Variants in CDH20 observed in about 807,000 individuals in gnomAD.
The protein encoded by CDH20 is cadherin 20.
Under a neutral mutation model 74.2 loss-of-function variants are expected in CDH20, and 29 were observed. The ratio of observed to expected loss-of-function variants is 0.39; its 90% CI spans 0.29 to 0.53. CDH20 has a LOEUF of 0.53. Among genes scored for constraint, CDH20 ranks in the 20% least tolerant of loss-of-function variants. CDH20 has a pLI of 0.69. For missense variants in CDH20, 988 were observed against 1,048.3 expected, an observed-to-expected ratio of 0.94 and a Z score of 0.79; for synonymous variants, 469 against 405.4, an observed-to-expected ratio of 1.16 and a Z score of -1.88.
chr18:61,416,266 C>T (rs1912680503), intron 1 of CDH20, among the ~76,000 whole-genome samples: 1 of 152,082 alleles, frequency 6.6e-6, no homozygotes, highest in Non-Finnish European at 1.5e-5. Flanking sequence ...AAATCAGATC[C>T]AATGGGCCTT....
intron 1 of CDH20, among the ~76,000 whole-genome samples, chr18:61,440,859 G>C (rs1909007216): frequency 6.6e-6 from 1 of 152,108 alleles, no homozygotes; most frequent in South Asian, 2.1e-4. Context: ...GGCCAAATCA[G>C]GTCACAAGGC....
chr18:61,511,221 C>T (rs1599136507), intron 6 of CDH20, among the ~76,000 whole-genome samples: 1 of 144,086 alleles, frequency 6.9e-6, no homozygotes, highest in African/African-American at 2.6e-5. Context: ...CAATGGCATG[C>T]TCATGGCTCA....
chr18:61,414,720 T>A (rs1281736335), intron 1 of CDH20, among the ~76,000 whole-genome samples: 2 of 152,046 alleles, frequency 1.3e-5, no homozygotes, highest in Non-Finnish European at 2.9e-5. Context: ...CAATTTAAGT[T>A]TTAATTTGAT....
intron 1 of CDH20, among the ~76,000 whole-genome samples, chr18:61,411,118 T>C (rs1912483139): frequency 6.6e-6 from 1 of 150,628 alleles, no homozygotes; most frequent in African/African-American, 2.4e-5. Context: ...GAGAATGGCG[T>C]GAACCGGAAG....
At chr18:61,479,223 A>T (rs1053950585) in intron 1 of CDH20, among the ~76,000 whole-genome samples, 1 of 152,046 alleles carries the variant, frequency 6.6e-6, no homozygotes, top group African/African-American at 2.4e-5. Context: ...GGCCAAAAAA[A>T]AACCCAAGAT....
chr18:61,534,986 C>A (rs766107894), intron 7 of CDH20, among the ~76,000 whole-genome samples: 1 of 151,932 alleles, frequency 6.6e-6, no homozygotes, highest in Non-Finnish European at 1.5e-5. Flanking sequence ...CCACATTGTA[C>A]GCCATAAATA....
At chr18:61,547,588 C>T (rs1444523767) in intron 10 of CDH20, among the ~76,000 whole-genome samples, 1 of 151,856 alleles carries the variant, frequency 6.6e-6, no homozygotes, top group East Asian at 1.9e-4. Flanking sequence ...GTTATTAATC[C>T]CTCTGATTCT....
intron 7 of CDH20, 23 bp from the exon 8 acceptor site, chr18:61,536,470 G>T: frequency 6.2e-7 from 1 of 1,610,574 alleles, no homozygotes; most frequent in Non-Finnish European, 8.5e-7. Flanking sequence ...TGCAAATGAT[G>T]TACGTAATCC....
chr18:61,553,049 GA>G (rs1192410135), intron 11 of CDH20, among the ~76,000 whole-genome samples: 1 of 152,106 alleles, frequency 6.6e-6, no homozygotes, highest in Non-Finnish European at 1.5e-5. Context: ...AGCTATCTGG[GA>G]AAATATTACG....
chr18:61,419,236 T>A (rs938321589), intron 1 of CDH20, among the ~76,000 whole-genome samples: 1 of 152,114 alleles, frequency 6.6e-6, no homozygotes, highest in African/African-American at 2.4e-5. Context: ...TGGCTAATTA[T>A]TACATTTTTT....
intron 1 of CDH20, among the ~76,000 whole-genome samples, chr18:61,484,799 A>T (rs1421202750): frequency 1.3e-5 from 2 of 151,072 alleles, no homozygotes; most frequent in Non-Finnish European, 2.9e-5. Flanking sequence ...CCCTACCATT[A>T]TACAAAACTA....
chr18:61,441,215 A>G (rs1408264250), intron 1 of CDH20, among the ~76,000 whole-genome samples: 1 of 152,098 alleles, frequency 6.6e-6, no homozygotes, highest in Non-Finnish European at 1.5e-5. Context: ...AAAATTCACC[A>G]CCTCAATTTC....
chr18:61,433,628 C>T lies in CDH20; in HGVS notation c.-152-56774C>T, dbSNP rs757728170. On this transcript the variant is annotated intron_variant, in intron 1 of 11. Transcript: ENST00000262717. ...TCACCCATATGTACATTCTGGGTCA[C>T]GGTTTGATCTTGAGGACTAATGAGC... Among the ~76,000 whole-genome samples, 10 of 152,184 alleles carry T rather than the reference C, an allele frequency of 6.6e-5. No homozygotes were observed. The East Asian group carries it at 1.4e-3, about 21-fold the overall frequency.
chr18:61,503,592 C>T (rs1911462289), intron 5 of CDH20, among the ~76,000 whole-genome samples: 1 of 152,182 alleles, frequency 6.6e-6, no homozygotes, highest in Non-Finnish European at 1.5e-5. Flanking sequence ...GCCCATGTGA[C>T]GATCTTCACC....
intron 1 of CDH20, chr18:61,405,025 C>G (rs1168307799): frequency 2.9e-5 from 20 of 697,712 alleles, no homozygotes; most frequent in Non-Finnish European, 2.1e-5. Context: ...GCATAGTACT[C>G]CATTTCTGAT....
rs977010783 is a variant in CDH20 at position 61,422,350 on chromosome 18, T to C, written c.-152-68052T>C. On this transcript the variant is annotated intron_variant, in intron 1 of 11. Coordinates refer to ENST00000262717, the MANE Select transcript of CDH20 (RefSeq NM_031891.4). ...TTGTCAATTTCTCTATCTTTCCACA[T>C]TGGCATCTTCTGTCTTGATATCATT... Among the ~76,000 whole-genome samples, 6 of 152,192 alleles carry C rather than the reference T, an allele frequency of 3.9e-5. No homozygotes were observed. In the South Asian group the frequency reaches 6.2e-4, roughly 16 times the overall value.
chr18:61,407,246 T>C (rs1016220700), intron 1 of CDH20, among the ~76,000 whole-genome samples: 1 of 152,246 alleles, frequency 6.6e-6, no homozygotes, highest in Non-Finnish European at 1.5e-5. Flanking sequence ...GGGCACTATC[T>C]TCCTTGATTC....
At chr18:61,441,241 C>T (rs1320786564) in intron 1 of CDH20, among the ~76,000 whole-genome samples, 1 of 152,090 alleles carries the variant, frequency 6.6e-6, no homozygotes, top group African/African-American at 2.4e-5. Flanking sequence ...TGGGAAAATG[C>T]ATGATGATTT....
At chr18:61,530,209 T>C (rs777989091) in intron 7 of CDH20, among the ~76,000 whole-genome samples, 1 of 152,158 alleles carries the variant, frequency 6.6e-6, no homozygotes, top group African/African-American at 2.4e-5. Context: ...TACTATCCAA[T>C]AGCAACAAAG....
Sources: allele counts gnomAD v4.1 joint callset (sites outside exome capture counted in the v4.1 genomes callset), GRCh38; gene constraint gnomAD v4.1.1; transcripts MANE v1.5; gene names NCBI Gene and HGNC (gene_info 2026-07-23, HGNC 2026-07-21).